Variants in MSRA observed in about 807,000 individuals in gnomAD.
MSRA encodes methionine sulfoxide reductase A.
Under a neutral mutation model 31.3 loss-of-function variants are expected in MSRA, and 54 were observed. That is an observed-to-expected ratio of 1.73 (90% CI 1.39 to 2.17). The LOEUF (loss-of-function observed/expected upper bound fraction) is 2.17, where lower values mean the gene tolerates loss of function less well. MSRA is among the 30% of genes most tolerant of loss of function. The pLI, the probability that MSRA is intolerant of heterozygous loss-of-function variation, is 0.00. For synonymous variants in MSRA, 169 were observed against 116.5 expected (o/e 1.45, Z -2.90); for missense variants, 507 against 300.9 (o/e 1.69, Z -5.07).
At chr8:10,198,860 G>T (rs1405846593) in intron 1 of MSRA, among the ~76,000 whole-genome samples, 1 of 152,122 alleles carries the variant, frequency 6.6e-6, no homozygotes, top group African/African-American at 2.4e-5. Flanking sequence ...GGCATTCTTG[G>T]TACCTATTGT....
chr8:10,109,980 T>C (rs1347287740), intron 1 of MSRA, among the ~76,000 whole-genome samples: 1 of 152,138 alleles, frequency 6.6e-6, no homozygotes, highest in African/African-American at 2.4e-5. Context: ...ATTAGCAAGT[T>C]CACCCTTAGT....
chr8:10,122,945 AGGTTGATTCTACATCT>A (rs1801232635), intron 1 of MSRA, among the ~76,000 whole-genome samples: 1 of 152,188 alleles, frequency 6.6e-6, no homozygotes, highest in Admixed American at 6.5e-5. Context: ...ATTGGGCATT[AGGTTGATTCTACATCT>A]TTGCTATTGT....
chr8:10,338,788 C>T (rs1432984780), intron 5 of MSRA, among the ~76,000 whole-genome samples: 1 of 152,176 alleles, frequency 6.6e-6, no homozygotes, highest in Non-Finnish European at 1.5e-5. Context: ...GTGATTCATA[C>T]AACTTCAGAC....
intron 5 of MSRA, among the ~76,000 whole-genome samples, chr8:10,399,602 C>T (rs984254940): frequency 3.3e-5 from 5 of 152,214 alleles, no homozygotes; most frequent in African/African-American, 1.2e-4. Flanking sequence ...CTTATATAGC[C>T]AGCAGAACCA....
chr8:10,228,649 G>T (rs1359442272), intron 2 of MSRA, among the ~76,000 whole-genome samples: 1 of 152,164 alleles, frequency 6.6e-6, no homozygotes. Flanking sequence ...CAGAAAGGAC[G>T]TCGGCTTTGA....
At chr8:10,344,121 T>A (rs973953106) in intron 5 of MSRA, among the ~76,000 whole-genome samples, 5 of 152,200 alleles carry the variant, frequency 3.3e-5, no homozygotes, top group African/African-American at 1.2e-4. Flanking sequence ...AAGTTGCATG[T>A]ATCACCCAAA....
At chr8:10,182,255 A>C (rs924859077) in intron 1 of MSRA, among the ~76,000 whole-genome samples, 2 of 152,236 alleles carry the variant, frequency 1.3e-5, no homozygotes, top group Admixed American at 6.5e-5. Flanking sequence ...GAATATGCAA[A>C]GTGAGAGATG....
intron 3 of MSRA, among the ~76,000 whole-genome samples, chr8:10,265,668 T>TA (rs1798708665): frequency 6.6e-6 from 1 of 152,162 alleles, no homozygotes; most frequent in Admixed American, 6.5e-5. Flanking sequence ...TTGACATAGG[T>TA]AGACACTGTA....
chr8:10,374,166 G>T (rs1254477995), intron 5 of MSRA, among the ~76,000 whole-genome samples: 1 of 152,192 alleles, frequency 6.6e-6, no homozygotes, highest in Non-Finnish European at 1.5e-5. Context: ...AAATTCCTAC[G>T]ATCCGTTTGG....
chr8:10,260,466 C>A (rs1223141359), intron 3 of MSRA, among the ~76,000 whole-genome samples: 8 of 152,196 alleles, frequency 5.3e-5, no homozygotes, highest in Non-Finnish European at 1.0e-4. Context: ...GGCACACGTA[C>A]ACAAGCGAGG....
At chr8:10,211,774 A>G (rs193116949) in intron 2 of MSRA, among the ~76,000 whole-genome samples, 140 of 152,222 alleles carry the variant, frequency 9.2e-4, no homozygotes, top group Admixed American at 3.7e-3. Context: ...CTGGCCGTCA[A>G]TATCTTAATG....
At chr8:10,289,053 G>A (rs899723569) in intron 3 of MSRA, among the ~76,000 whole-genome samples, 9 of 150,850 alleles carry the variant, frequency 6.0e-5, no homozygotes, top group African/African-American at 2.0e-4. Context: ...GTCTCGCTCT[G>A]TCGCCAGGCT....
intron 5 of MSRA, among the ~76,000 whole-genome samples, chr8:10,422,158 C>T (rs1563463669): frequency 6.6e-6 from 1 of 152,168 alleles, no homozygotes; most frequent in Non-Finnish European, 1.5e-5. Context: ...GGTGTACGCA[C>T]TTGTAGGCCC....
intron 3 of MSRA, among the ~76,000 whole-genome samples, chr8:10,289,826 T>C (rs1800136776): frequency 1.3e-5 from 2 of 152,218 alleles, no homozygotes; most frequent in Admixed American, 1.3e-4. Context: ...CATGTTGTTC[T>C]GTTTGTACTA....
chr8:10,377,631 C>T (rs1275503533), intron 5 of MSRA, among the ~76,000 whole-genome samples: 1 of 152,160 alleles, frequency 6.6e-6, no homozygotes, highest in Non-Finnish European at 1.5e-5. Context: ...AAATGGCTCA[C>T]GGAGACTGCT....
At chr8:10,228,822 C>T (rs548532408) in intron 2 of MSRA, among the ~76,000 whole-genome samples, 1 of 152,322 alleles carries the variant, frequency 6.6e-6, no homozygotes, top group East Asian at 1.9e-4. Context: ...ATACAGATAT[C>T]AGTGTGTGGC....
At chr8:10,392,890 C>CG (rs1441823694) in intron 5 of MSRA, among the ~76,000 whole-genome samples, 5 of 113,282 alleles carry the variant, frequency 4.4e-5, no homozygotes, top group African/African-American at 2.0e-4. Flanking sequence ...ACTAAAAATG[C>CG]AAAAAAAAAA....
intron 1 of MSRA, among the ~76,000 whole-genome samples, chr8:10,163,680 C>T (rs571347121): frequency 6.6e-5 from 10 of 152,306 alleles, no homozygotes; most frequent in South Asian, 2.1e-4. Flanking sequence ...TAATGACAGC[C>T]GAGATCAAAG....
intron 1 of MSRA, among the ~76,000 whole-genome samples, chr8:10,067,487 A>T (rs1336727344): frequency 5.3e-5 from 8 of 152,180 alleles, no homozygotes; most frequent in Admixed American, 5.2e-4. Flanking sequence ...TAAAGCCTCT[A>T]TTAAAATTTT....
Sources: gnomAD v4.1 joint callset for allele counts (sites outside exome capture counted in the v4.1 genomes callset) on GRCh38, gnomAD v4.1.1 for gene constraint, MANE v1.5 for transcripts, NCBI Gene and HGNC (gene_info 2026-07-23, HGNC 2026-07-21) for gene names.